The following RBFOX3 variants were observed in gnomAD, a reference collection of about 807,000 sequenced individuals.
The protein encoded by RBFOX3 is RNA binding protein fox-1 homolog 3.
RBFOX3 carries 17 observed loss-of-function variants against 48.7 expected under a neutral mutation model. The ratio of observed to expected loss-of-function variants is 0.35; its 90% confidence interval spans 0.24 to 0.52. The LOEUF is 0.52. RBFOX3 is among the 20% of genes least tolerant of loss of function. RBFOX3 has a pLI of 0.94. For missense variants in RBFOX3, 382 were observed against 497.5 expected, an observed-to-expected ratio of 0.77 and a Z score of 2.21; for synonymous variants, 212 against 209.5, an observed-to-expected ratio of 1.01 and a Z score of -0.10.
chr17:79,642,946 A>C, the RBFOX3 span, among the ~76,000 whole-genome samples: 1 of 152,134 alleles, frequency 6.6e-6, no homozygotes, highest in Non-Finnish European at 1.5e-5. Flanking sequence ...CTCTACAAAA[A>C]ATTAAATTAG....
In RBFOX3 at chr17:79,392,307, T is replaced by G. The variant is rs944832264; in HGVS notation, c.-174-84483A>C. Among the ~76,000 whole-genome samples, 5 of 152,214 alleles carry G rather than the reference T, an allele frequency of 3.3e-5. No homozygotes were observed. Among genetic ancestry groups the G allele is most frequent in the African/African-American group, 1.2e-4 (5 of 41,450 alleles). On this transcript the variant is annotated intron_variant, in intron 2 of 14. Coordinates refer to ENST00000693108, the MANE Select transcript of RBFOX3 (RefSeq NM_001350451.2). This position sits in a 1 kb window ranked among gnomAD's most constrained non-coding sequence, Gnocchi z 5.0. ...CACGGACCTTGCAGCCAGTTGGCCC[T>G]GAATTCCAGCCCTGCCACTTACTAG... is the stretch of plus-strand genomic sequence containing the variant.
chr17:79,369,223 G>C (rs1253145066), intron 2 of RBFOX3, among the ~76,000 whole-genome samples: 1 of 152,154 alleles, frequency 6.6e-6, no homozygotes, highest in Non-Finnish European at 1.5e-5. Flanking sequence ...GGGTTGACCT[G>C]TGGCACCGGG....
At chr17:79,366,448 C>T (rs184507895) in intron 2 of RBFOX3, among the ~76,000 whole-genome samples, 9 of 152,302 alleles carry the variant, frequency 5.9e-5, no homozygotes, top group Admixed American at 2.6e-4. Context: ...GCTCTAAAAG[C>T]GAGCTGTGAT....
At chr17:79,096,888 C>A (rs2075367415) in intron 11 of RBFOX3, 55 bp from the exon 12 acceptor site, 2 of 628,150 alleles carry the variant, frequency 3.2e-6, no homozygotes, top group African/African-American at 3.7e-5. Context: ...CTTTCTCCCA[C>A]AAACCCCGGG....
rs1203384093 is a variant in RBFOX3 at position 79,212,688 on chromosome 17, G to A, written c.-34+23078C>T. 6.6e-6 allele frequency among the ~76,000 whole-genome samples: 1 copy of A among 152,168 alleles called. No homozygotes were observed. The highest frequency in any genetic ancestry group is 1.5e-5 in the Non-Finnish European group (1 of 68,030). On this transcript the variant is annotated intron_variant, in intron 4 of 14. Transcript: ENST00000693108. This position sits in a 1 kb window ranked among gnomAD's most constrained non-coding sequence, Gnocchi z 4.7. ...CTCCTTTTCAATCACAAATGTCGCT[G>A]ACAGTCCCCACACTACCACTTGTTT...
intron 1 of RBFOX3, among the ~76,000 whole-genome samples, chr17:79,584,510 G>C (rs2144897561): frequency 6.6e-6 from 1 of 152,152 alleles, no homozygotes; most frequent in Non-Finnish European, 1.5e-5. Flanking sequence ...TCAAATCAAT[G>C]AGTGAATAAA....
intron 2 of RBFOX3, among the ~76,000 whole-genome samples, chr17:79,383,478 A>C (rs1045194068): frequency 1.3e-5 from 2 of 152,224 alleles, no homozygotes; most frequent in African/African-American, 4.8e-5. Context: ...TCCAGCACAA[A>C]ATCTTGGGCT....
At chr17:79,282,085 C>T (rs2070688835) in intron 3 of RBFOX3, among the ~76,000 whole-genome samples, 2 of 152,138 alleles carry the variant, frequency 1.3e-5, no homozygotes, top group South Asian at 4.1e-4. Flanking sequence ...GTTTTATTTG[C>T]TTTTTGAAAT....
chr17:79,342,214 GC>G (rs2082215310), intron 2 of RBFOX3, among the ~76,000 whole-genome samples: 1 of 152,352 alleles, frequency 6.6e-6, no homozygotes, highest in Admixed American at 6.5e-5. Flanking sequence ...TATTTTTCAG[GC>G]CTGGTGAATA....
At chr17:79,661,246 A>G in the RBFOX3 span, among the ~76,000 whole-genome samples, 1 of 152,174 alleles carries the variant, frequency 6.6e-6, no homozygotes, top group Non-Finnish European at 1.5e-5. Flanking sequence ...TAACAAACCT[A>G]CACATCCTGC....
intron 2 of RBFOX3, among the ~76,000 whole-genome samples, chr17:79,383,031 A>ACACACAC (rs2060118021): frequency 2.8e-5 from 4 of 141,300 alleles, no homozygotes; most frequent in South Asian, 2.3e-4. Flanking sequence ...CTGCCTCTCA[A>ACACACAC]ACACACACAC....
At chr17:79,221,190 C>T (rs991305319) in intron 4 of RBFOX3, among the ~76,000 whole-genome samples, 2 of 152,270 alleles carry the variant, frequency 1.3e-5, no homozygotes, top group African/African-American at 4.8e-5. Flanking sequence ...GCCAGTGCCA[C>T]CCATGGGCTG....
intron 1 of RBFOX3, among the ~76,000 whole-genome samples, chr17:79,554,464 C>CG (rs1349724968): frequency 0.03 from 2,203 of 74,164 alleles, 194 homozygotes; most frequent in Middle Eastern, 0.063. Flanking sequence ...AGTCACCCCT[C>CG]ACCTGGCCCT....
intron 2 of RBFOX3, among the ~76,000 whole-genome samples, chr17:79,449,164 G>A (rs62061735): frequency 0.036 from 5,460 of 152,134 alleles, 129 homozygotes; most frequent in Non-Finnish European, 0.052. Flanking sequence ...TGAGAGGTTC[G>A]GGTAGGAGGG....
chr17:79,621,552 C>G, the RBFOX3 span, among the ~76,000 whole-genome samples: 2 of 152,216 alleles, frequency 1.3e-5, no homozygotes, highest in Non-Finnish European at 2.9e-5. Flanking sequence ...TTGCAATACA[C>G]TGAGTGCCTG....
the RBFOX3 span, among the ~76,000 whole-genome samples, chr17:79,655,715 A>T: frequency 2.0e-5 from 3 of 152,116 alleles, no homozygotes; most frequent in Non-Finnish European, 2.9e-5. Flanking sequence ...ATGGCCCATG[A>T]TCTCTCTATA....
In RBFOX3 at chr17:79,260,692, G is replaced by A. The variant is rs543463969; in HGVS notation, c.-73-24887C>T. ...CAGCCAAGCTGCAGCCAGCTTGCCC[G>A]GCCTTGGGGCCTGATGGGAATCCGA... On this transcript the variant is annotated intron_variant, in intron 3 of 14. Coordinates refer to ENST00000693108, the MANE Select transcript of RBFOX3 (RefSeq NM_001350451.2). 4.6e-5 allele frequency among the ~76,000 whole-genome samples: 7 copies of A among 152,312 alleles called. No individual in the cohort carries two copies. In the South Asian group the frequency reaches 6.2e-4, roughly 14 times the overall value.
chr17:79,144,812 T>A (rs2042689676), intron 4 of RBFOX3, among the ~76,000 whole-genome samples: 1 of 151,982 alleles, frequency 6.6e-6, no homozygotes, highest in Non-Finnish European at 1.5e-5. Context: ...CAGCCTGAAG[T>A]GTAGATGTGT....
chr17:79,131,228 G>A (rs1010857621), intron 4 of RBFOX3, among the ~76,000 whole-genome samples: 3 of 152,146 alleles, frequency 2.0e-5, no homozygotes, highest in African/African-American at 4.8e-5. Flanking sequence ...TGTGCCCTGC[G>A]TGTACTGTGT....
Sources: gnomAD v4.1 joint callset for allele counts (sites outside exome capture counted in the v4.1 genomes callset) on GRCh38, gnomAD v4.1.1 for gene constraint, Gnocchi (gnomAD v3.1) non-coding constraint, MANE v1.5 for transcripts, NCBI Gene and HGNC (gene_info 2026-07-23, HGNC 2026-07-21) for gene names.